Variants in MPHOSPH9 observed in about 807,000 individuals in gnomAD.
The protein encoded by MPHOSPH9 is M-phase phosphoprotein 9.
A neutral mutation model predicts 145.5 loss-of-function variants in MPHOSPH9; 88 were observed. The observed-to-expected ratio is 0.60, with a 90% CI of 0.51 to 0.72. The LOEUF (loss-of-function observed/expected upper bound fraction) is 0.72, where lower values mean the gene tolerates loss of function less well. MPHOSPH9 is among the 30% of genes least tolerant of loss of function. MPHOSPH9 has a pLI of 0.00. For synonymous variants in MPHOSPH9, 435 were observed against 486.2 expected, an observed-to-expected ratio of 0.89 and a Z score of 1.39; for missense variants, 1,238 against 1,386.6, an observed-to-expected ratio of 0.89 and a Z score of 1.70.
intron 4 of MPHOSPH9, 50 bp from the exon 5 acceptor site, chr12:123,221,945 T>A: frequency 1.1e-6 from 1 of 936,650 alleles, no homozygotes; most frequent in Non-Finnish European, 1.6e-6. Context: ...TTAAACATCA[T>A]ATTTTTATGA....
At chr12:123,218,564 C>A (rs998007368) in intron 5 of MPHOSPH9, 65 bp from the exon 6 acceptor site, 130 of 1,512,618 alleles carry the variant, frequency 8.6e-5, no homozygotes, top group Non-Finnish European at 1.1e-4. Context: ...CTTGCTGTGT[C>A]GCCCAGGCTG....
intron 1 of MPHOSPH9, among the ~76,000 whole-genome samples, chr12:123,238,474 T>C (rs1481031000): frequency 2.6e-5 from 4 of 152,088 alleles, no homozygotes; most frequent in African/African-American, 9.7e-5. Context: ...TTAAATGTCA[T>C]ATAAATAAGA....
At chr12:123,189,656 C>T (rs779680451) in intron 13 of MPHOSPH9, among the ~76,000 whole-genome samples, 6 of 152,066 alleles carry the variant, frequency 3.9e-5, no homozygotes, top group African/African-American at 1.2e-4. Context: ...GTATTAAGGC[C>T]GGGCACGGTG....
chr12:123,156,269 A>G lies in MPHOSPH9; in HGVS notation c.*538T>C, dbSNP rs1024788402. On this transcript the variant is annotated 3_prime_UTR_variant, in exon 24 of 24. Transcript: ENST00000606320. ...CAAAGCTTTCCAAGAGTCCATTATTACTATTCTGATATTCACTCTAAGACA... is the reference window on the plus strand; with the variant it reads ...CAAAGCTTTCCAAGAGTCCATTATTGCTATTCTGATATTCACTCTAAGACA... The G allele has an allele frequency of 5.9e-5, 9 of 152,366 alleles. No homozygotes were observed. The highest frequency in any genetic ancestry group is 1.9e-4 in the African/African-American group (8 of 41,594). The allele number at this position is 152,366 out of a possible 1,614,324, so 9.4% of individuals were successfully genotyped here. A position where few individuals can be genotyped will look rare whatever the true frequency, so the allele number is the denominator to read the frequency against.
At chr12:123,233,515 T>TC (rs1212379525), upstream of MPHOSPH9, 1 of 152,040 alleles carries the variant, frequency 6.6e-6, no homozygotes, top group African/African-American at 2.4e-5. Context: ...AGGGCACGAG[T>TC]CGGGTCCTGA....
At chr12:123,173,460 C>T (rs1363347277) in intron 16 of MPHOSPH9, among the ~76,000 whole-genome samples, 1 of 152,202 alleles carries the variant, frequency 6.6e-6, no homozygotes, top group Non-Finnish European at 1.5e-5. Flanking sequence ...TCATAAGACT[C>T]TTGTTCGAAT....
chr12:123,210,025 C>T (rs368942878), intron 8 of MPHOSPH9, 31 bp downstream of exon 8: 10 of 1,528,668 alleles, frequency 6.5e-6, no homozygotes, highest in South Asian at 3.5e-5. Context: ...CGTAAGCCAC[C>T]GCGCCCGGCC....
chr12:123,158,092 C>T (rs1048880867), intron 23 of MPHOSPH9, among the ~76,000 whole-genome samples: 2 of 151,888 alleles, frequency 1.3e-5, no homozygotes, highest in Admixed American at 6.6e-5. Context: ...CAGGTTCAAG[C>T]GATTCTCCTC....
intron 17 of MPHOSPH9, 176 bp downstream of exon 17, chr12:123,166,479 C>G: frequency 1.3e-6 from 1 of 742,190 alleles, no homozygotes; most frequent in Admixed American, 2.4e-5. Context: ...CTTGGCAGAG[C>G]TCATGGAAGT....
Position 123,227,628 on chromosome 12 carries a change from TA to T in MPHOSPH9, c.105-13del. 6.7e-7 allele frequency: 1 copy of T among 1,493,004 alleles called. No individual in the cohort carries two copies. Among genetic ancestry groups the T allele is most frequent in the South Asian group, 1.3e-5 (1 of 77,536 alleles). 92.5% of individuals were successfully genotyped at this position (1,493,004 alleles called of 1,614,324 possible). A position where few individuals can be genotyped will look rare whatever the true frequency, so the allele number is the denominator to read the frequency against. On this transcript the variant is annotated splice_polypyrimidine_tract_variant and intron_variant, in intron 2 of 23. Transcript: ENST00000606320. ...GGTGGGGACTACTTCTGTTGAAACA[TA>T]AATAATTCAAATGGTTTTCTTCATT...
chr12:123,169,146 CA>C (rs1467092530), intron 16 of MPHOSPH9, among the ~76,000 whole-genome samples: 12 of 151,598 alleles, frequency 7.9e-5, no homozygotes, highest in Non-Finnish European at 1.0e-4. Flanking sequence ...CTTGGCCTCC[CA>C]AAGTGCTGGG....
At chr12:123,211,684 C>CTTTTTTTTTTTTTTT (rs147321517) in intron 7 of MPHOSPH9, among the ~76,000 whole-genome samples, 3 of 67,756 alleles carry the variant, frequency 4.4e-5, no homozygotes, top group East Asian at 6.6e-4. Context: ...TAGACAATTT[C>CTTTTTTTTTTTTTTT]TTTTTTTTTT....
rs560770913 is a variant in MPHOSPH9 at position 123,227,388 on chromosome 12, A to G, written c.258+75T>C. The G allele has an allele frequency of 2.6e-6, 3 of 1,138,472 alleles. No individual in the cohort carries two copies. The South Asian group carries it at 6.9e-5, about 26-fold the overall frequency. 70.5% of individuals were successfully genotyped at this position (1,138,472 alleles called of 1,614,324 possible). On this transcript the variant is annotated intron_variant, in intron 3 of 23. Transcript: ENST00000606320. ...ATGCTCTTCAGGACATAAATTTCTA[A>G]TAATTTAGAGTTTAGTAGAGGTATG...
chr12:123,215,062 T>A (rs1164615613), intron 6 of MPHOSPH9, among the ~76,000 whole-genome samples: 5 of 152,144 alleles, frequency 3.3e-5, no homozygotes, highest in African/African-American at 1.2e-4. Context: ...GTCAAGATGA[T>A]GAAACCCCGT....
At chr12:123,210,977 CTTTTTTTTTTTTTT>C (rs907442708) in intron 7 of MPHOSPH9, among the ~76,000 whole-genome samples, 2 of 89,766 alleles carry the variant, frequency 2.2e-5, no homozygotes, top group Admixed American at 1.1e-4. Flanking sequence ...TTTGTTTTTT[CTTTTTTTTTTTTTT>C]TTTTTTTTTT....
Position 123,165,445 on chromosome 12 carries a change from G to C in MPHOSPH9, c.2624C>G (p.Pro875Arg), listed in dbSNP as rs750784465. 1 of 1,613,700 alleles carries C rather than the reference G, an allele frequency of 6.2e-7. No homozygotes were observed. The highest frequency in any genetic ancestry group is 1.3e-5 in the African/African-American group (1 of 74,860). The stretch of plus-strand genomic sequence containing the variant: ...CAACAAGCTTGTTGATGAACTTCCA[G>C]GTGAAGAATCCTTTTCCAGAGGTGA... ...HRSPLEKDSS[P>R]GSSSTSLLIK... Residue 875 changes from proline to arginine, a missense_variant, in exon 18 of 24, where the codon CCT (proline) becomes CGT (arginine). Transcript: ENST00000606320.
At chr12:123,224,706 G>C (rs922504931) in intron 3 of MPHOSPH9, among the ~76,000 whole-genome samples, 1 of 152,186 alleles carries the variant, frequency 6.6e-6, no homozygotes, top group Non-Finnish European at 1.5e-5. Flanking sequence ...AGTCCCCCAT[G>C]ATGAAGAATT....
At chr12:123,234,716 G>A (rs2047811091), upstream of MPHOSPH9, among the ~76,000 whole-genome samples, 1 of 152,140 alleles carries the variant, frequency 6.6e-6, no homozygotes, top group African/African-American at 2.4e-5. Flanking sequence ...GGGTAAATTT[G>A]ATGTTATCCT....
Position 123,163,026 on chromosome 12 carries a change from C to A in MPHOSPH9, c.3017G>T (p.Ser1006Ile). The change falls in exon 20 of 24, where the codon AGC becomes ATC. Residue 1006 changes from serine to isoleucine, a missense_variant. Ser to Ile is a moderately radical substitution (Grantham distance 142, BLOSUM62 -2). Around this residue, in one of 3 missense-constraint regions of MPHOSPH9, gnomAD observed 393 missense variants for 462.5 expected, o/e 0.85. Coordinates refer to ENST00000606320, the MANE Select transcript of MPHOSPH9 (RefSeq NM_022782.4). ...TTAGAGAACTTACCGAATTGGACTG[C>A]TCTCATTTTTGCTAAGCAGATGACT... ...GFSHLLSKNE[S>I]SPIRFDILLD... The A allele has an allele frequency of 6.4e-7, 1 of 1,570,022 alleles. No individual in the cohort carries two copies. The highest frequency in any genetic ancestry group is 1.2e-5 in the South Asian group (1 of 82,228).
Sources: gnomAD v4.1 joint callset for allele counts (sites outside exome capture counted in the v4.1 genomes callset) on GRCh38, gnomAD v4.1.1 for gene constraint, gnomAD v4.1.1 regional missense constraint, MANE v1.5 for transcripts, NCBI Gene and HGNC (gene_info 2026-07-23, HGNC 2026-07-21) for gene names.